AP1B1: variants seen among roughly 807,000 people sequenced by gnomAD.
The protein encoded by AP1B1 is AP-1 complex subunit beta-1.
Under a neutral mutation model 104.3 loss-of-function variants are expected in AP1B1, and 36 were observed. That is an observed-to-expected ratio of 0.35 (90% CI 0.26 to 0.46). AP1B1 has a LOEUF of 0.46. AP1B1 is among the 20% of genes least tolerant of loss of function. The pLI is 1.00. For missense variants in AP1B1, 901 were observed against 1,247.9 expected, an observed-to-expected ratio of 0.72 and a Z score of 4.19; for synonymous variants, 504 against 517.5, an observed-to-expected ratio of 0.97 and a Z score of 0.35.
intron 5 of AP1B1, among the ~76,000 whole-genome samples, chr22:29,356,817 C>T (rs2061965958): frequency 6.6e-6 from 1 of 152,222 alleles, no homozygotes; most frequent in African/African-American, 2.4e-5. Context: ...AACAAGTGTG[C>T]CTGCCATTTA....
chr22:29,349,505 G>T, intron 10 of AP1B1, 122 bp from the exon 11 acceptor site: 1 of 1,027,080 alleles, frequency 9.7e-7, no homozygotes, highest in Non-Finnish European at 1.4e-6. Flanking sequence ...GGCAGGTAAA[G>T]GGGATCTGAG....
chr22:29,349,171 C>G, intron 11 of AP1B1, 47 bp downstream of exon 11: 1 of 1,599,892 alleles, frequency 6.3e-7, no homozygotes, highest in Non-Finnish European at 8.5e-7. Context: ...CACAGTGGGG[C>G]TGAGCTGCCA....
intron 1 of AP1B1, among the ~76,000 whole-genome samples, chr22:29,373,887 G>C (rs11703741): frequency 0.022 from 3,202 of 147,600 alleles, 57 homozygotes; most frequent in Middle Eastern, 0.037. Context: ...GGGCGACAGA[G>C]CAAGACTCGG....
chr22:29,354,032 T>C (rs527462413), intron 7 of AP1B1, among the ~76,000 whole-genome samples: 6 of 152,238 alleles, frequency 3.9e-5, no homozygotes, highest in African/African-American at 1.4e-4. Flanking sequence ...CCCACTACCA[T>C]ACCACGTGCC....
At chr22:29,347,768 TAAACCAGCACAACCTCCACAACAGG>T (rs1011050926) in intron 11 of AP1B1, among the ~76,000 whole-genome samples, 37 of 152,216 alleles carry the variant, frequency 2.4e-4, no homozygotes, top group African/African-American at 8.4e-4. Context: ...GATAGGAGTC[TAAACCAGCACAACCTCCACAACAGG>T]AATCTGGCAA....
In AP1B1 at chr22:29,388,505, C is replaced by T. The variant is rs1216996761; in HGVS notation, c.-109G>A. ...TCCGCGGCCTCCACCTCTCGCTCTCCCGGTGCGTCCGGGCTGCCGGCGGCT... is the reference window on the plus strand; with the variant it reads ...TCCGCGGCCTCCACCTCTCGCTCTCTCGGTGCGTCCGGGCTGCCGGCGGCT... On this transcript the variant is annotated 5_prime_UTR_variant, in exon 1 of 23. Transcript: ENST00000357586. 1 of 152,218 alleles carries T rather than the reference C, an allele frequency of 6.6e-6. No individual in the cohort carries two copies. The highest frequency in any genetic ancestry group is 1.5e-5 in the Non-Finnish European group (1 of 68,066). The allele number at this position is 152,218 out of a possible 1,614,324, so 9.4% of individuals were successfully genotyped here. A position where few individuals can be genotyped will look rare whatever the true frequency, so the allele number is the denominator to read the frequency against.
chr22:29,387,305 CTT>C (rs1014176421), intron 1 of AP1B1, among the ~76,000 whole-genome samples: 25 of 128,022 alleles, frequency 2.0e-4, no homozygotes, highest in South Asian at 2.5e-4. Flanking sequence ...AGCTAAAAAT[CTT>C]TTTTTTTTTT....
intron 22 of AP1B1, chr22:29,329,466 C>T (rs1473798297): frequency 1.1e-5 from 15 of 1,382,766 alleles, no homozygotes; most frequent in South Asian, 3.4e-5. Context: ...GAAGTGGGAA[C>T]AATGGAGTTC....
intron 2 of AP1B1, among the ~76,000 whole-genome samples, chr22:29,366,147 G>T (rs2062132138): frequency 6.6e-6 from 1 of 152,104 alleles, no homozygotes; most frequent in African/African-American, 2.4e-5. Flanking sequence ...TGCTTACAGG[G>T]TTAAAGCACA....
At chr22:29,368,919 C>T (rs2062186473) in intron 1 of AP1B1, among the ~76,000 whole-genome samples, 1 of 151,790 alleles carries the variant, frequency 6.6e-6, no homozygotes, top group Non-Finnish European at 1.5e-5. Flanking sequence ...GAGCAAGACT[C>T]TGTCTCCCCG....
Position 29,358,918 on chromosome 22 carries a change from G to A in AP1B1, c.333C>T (p.Gly111=), listed in dbSNP as rs1383616835. 2 of 1,612,740 alleles carry A rather than the reference G, an allele frequency of 1.2e-6. No homozygotes were observed. Among genetic ancestry groups the A allele is most frequent in the Admixed American group, 1.7e-5 (1 of 59,740 alleles). The change falls in exon 5 of 23, where the codon GGC becomes GGT. Residue 111 remains glycine (G), a synonymous_variant. Coordinates refer to ENST00000357586, the MANE Select transcript of AP1B1 (RefSeq NM_001127.4). ...CTGTGATCTTGTCAACGCGGATGCA[G>A]CCCATGGTCCGCACTGCCAGGGCTC... The part of the protein sequence containing the change: ...LIRALAVRTM[G]CIRVDKITEY...
At chr22:29,347,991 G>A (rs1299107929) in intron 11 of AP1B1, among the ~76,000 whole-genome samples, 1 of 152,238 alleles carries the variant, frequency 6.6e-6, no homozygotes, top group Non-Finnish European at 1.5e-5. Context: ...ATAAATGAAT[G>A]AGAGCATGGT....
At position 29,331,474 on chromosome 22, in the gene AP1B1, G is replaced by A. The variant is rs2061556586; in HGVS notation, c.2499C>T (p.Ile833=). ...CCATCTTCCCGTCCTCCACAAAGAG[G>A]ATGTGCAGTGGGTACAAGGTGCTGA... ...FYFSTLYPLH[I]LFVEDGKMDR... is the part of the protein sequence containing the mutation. The change falls in exon 19 of 23, where the codon ATC becomes ATT. Residue 833 remains isoleucine (I), a synonymous_variant. Transcript: ENST00000357586. 6.2e-7 allele frequency: 1 copy of A among 1,614,068 alleles called. No homozygotes were observed. Among genetic ancestry groups the A allele is most frequent in the Non-Finnish European group, 8.5e-7 (1 of 1,180,026 alleles).
At chr22:29,336,759 G>T (rs1244097208) in intron 16 of AP1B1, among the ~76,000 whole-genome samples, 1 of 148,212 alleles carries the variant, frequency 6.7e-6, no homozygotes, top group South Asian at 2.1e-4. Flanking sequence ...AGCTGAGATC[G>T]CACCATTGCA....
rs1160070097 is a variant in AP1B1 at position 29,356,606 on chromosome 22, T to A, written c.536A>T (p.Asn179Ile). Residue 179 changes from asparagine to isoleucine, a missense_variant, in exon 6 of 23, where the codon AAT becomes ATT. By Grantham distance (149) the Asn-to-Ile change is moderately radical. Coordinates refer to ENST00000357586, the MANE Select transcript of AP1B1 (RefSeq NM_001127.4). The part of the protein sequence containing the change: ...ISDSNPMVVA[N>I]AVAALSEIAE... ...AATTTCTGAGAGCGCTGCCACTGCA[T>A]TGGCCACCACCTGGTTGAGAGGGTG... The A allele has an allele frequency of 6.2e-7, 1 of 1,614,012 alleles. No homozygotes were observed. Among genetic ancestry groups the A allele is most frequent in the Non-Finnish European group, 8.5e-7 (1 of 1,179,976 alleles).
chr22:29,353,477 G>C (rs1219192069), intron 7 of AP1B1, among the ~76,000 whole-genome samples: 1 of 152,172 alleles, frequency 6.6e-6, no homozygotes, highest in African/African-American at 2.4e-5. Flanking sequence ...AATCCTGCAC[G>C]CTGATCTGCT....
intron 11 of AP1B1, among the ~76,000 whole-genome samples, chr22:29,346,028 A>C (rs1271853488): frequency 1.3e-5 from 2 of 152,200 alleles, no homozygotes; most frequent in Non-Finnish European, 2.9e-5. Context: ...TTGTGAACCA[A>C]AGATGCAAAG....
At chr22:29,363,719 C>T (rs2062087996) in intron 2 of AP1B1, among the ~76,000 whole-genome samples, 1 of 151,614 alleles carries the variant, frequency 6.6e-6, no homozygotes, top group African/African-American at 2.4e-5. Flanking sequence ...CATAGTGAGA[C>T]CTCGTTTCTA....
chr22:29,377,449 T>A lies in AP1B1; in HGVS notation c.-27-10179A>T, dbSNP rs78791110. ...CTCAGCATGAAATTTGGAACAAAGG[T>A]GGCAGTGGTAGTAGTAATGGTAAAT... On this transcript the variant is annotated intron_variant, in intron 1 of 22. Coordinates refer to ENST00000357586, the MANE Select transcript of AP1B1 (RefSeq NM_001127.4). Among the ~76,000 whole-genome samples, 445 of 152,088 alleles carry A rather than the reference T, an allele frequency of 2.9e-3. 1 individual carries two copies. The highest frequency in any genetic ancestry group is 0.01 in the African/African-American group (432 of 41,466).
Sources: allele counts gnomAD v4.1 joint callset (sites outside exome capture counted in the v4.1 genomes callset), GRCh38; gene constraint gnomAD v4.1.1; transcripts MANE v1.5; gene names NCBI Gene and HGNC (gene_info 2026-07-23, HGNC 2026-07-21).